The following SLC44A1 variants were observed in gnomAD, a reference collection of about 807,000 sequenced individuals.
The protein encoded by SLC44A1 is solute carrier family 44 member 1, also known as choline transporter-like protein 1.
Under a neutral mutation model 79.3 loss-of-function variants are expected in SLC44A1, and 26 were observed. That is an observed-to-expected ratio of 0.33 (90% CI 0.24 to 0.46). The LOEUF is 0.46. Ranked by LOEUF, SLC44A1 falls within the 20% of genes least tolerant of loss-of-function variation. The pLI is 1.00. For missense variants in SLC44A1, 688 were observed against 798.1 expected (o/e 0.86, Z 1.66); for synonymous variants, 263 against 286.2 (o/e 0.92, Z 0.82).
intron 13 of SLC44A1, among the ~76,000 whole-genome samples, chr9:105,382,253 C>T (rs1402885104): frequency 6.6e-6 from 1 of 151,972 alleles, no homozygotes; most frequent in East Asian, 1.9e-4. Context: ...TAATATTTGC[C>T]ATAAACCATT....
At position 105,322,501 on chromosome 9, in the gene SLC44A1, G is replaced by A. The variant is rs1029590919; in HGVS notation, c.269+12635G>A. On this transcript the variant is annotated intron_variant, in intron 3 of 15. Transcript: ENST00000374720. ...GTTACTCATTGTGTGAGTACAGGTC[G>A]TGTATCTATGGTTGTCATTATCTAA... Among the ~76,000 whole-genome samples, 6 of 152,286 alleles carry A rather than the reference G, an allele frequency of 3.9e-5. 1 individual carries two copies. The highest frequency in any genetic ancestry group is 4.1e-4 in the South Asian group (2 of 4,824).
chr9:105,357,648 G>A (rs1021496946), intron 6 of SLC44A1, among the ~76,000 whole-genome samples: 1 of 152,110 alleles, frequency 6.6e-6, no homozygotes, highest in Non-Finnish European at 1.5e-5. Context: ...TAGCACATCG[G>A]ATTTAGCTTG....
At chr9:105,250,173 G>A (rs1829548472) in intron 1 of SLC44A1, among the ~76,000 whole-genome samples, 1 of 151,930 alleles carries the variant, frequency 6.6e-6, no homozygotes, top group South Asian at 2.1e-4. Flanking sequence ...ACTGCACCCG[G>A]CCTACTTTTT....
rs557955928 is a variant in SLC44A1, at chr9:105,361,349, G to T, written c.900+19G>T. ...GTTCACAGTGAGTTTAGGCTTTGGC[G>T]TGTCTTTCGGTTTTGTGTTTTTGTT... On this transcript the variant is annotated intron_variant, in intron 8 of 15. Transcript: ENST00000374720. The T allele has an allele frequency of 6.4e-6, 10 of 1,558,092 alleles. No individual in the cohort carries two copies. Among genetic ancestry groups the T allele is most frequent in the Non-Finnish European group, 7.8e-6 (9 of 1,156,104 alleles).
intron 2 of SLC44A1, among the ~76,000 whole-genome samples, chr9:105,303,578 C>T (rs541120360): frequency 7.2e-5 from 11 of 152,262 alleles, no homozygotes; most frequent in South Asian, 6.2e-4. Context: ...TGCTCAAGGA[C>T]GTATACATTG....
chr9:105,303,723 C>T (rs778121624), intron 2 of SLC44A1, among the ~76,000 whole-genome samples: 2 of 152,136 alleles, frequency 1.3e-5, no homozygotes, highest in Admixed American at 6.6e-5. Context: ...AGAGGTAGAC[C>T]CCACTCTGTT....
chr9:105,419,577 A>C (rs1207407908), intron 15 of SLC44A1, among the ~76,000 whole-genome samples: 1 of 152,200 alleles, frequency 6.6e-6, no homozygotes, highest in Non-Finnish European at 1.5e-5. Context: ...AAATTAATTT[A>C]GTAATTTCTA....
At chr9:105,415,896 A>ATTTTTTTTTTTTTTTTTTTTTTTTT (rs10592448) in intron 15 of SLC44A1, among the ~76,000 whole-genome samples, 1 of 117,966 alleles carries the variant, frequency 8.5e-6, no homozygotes, top group Non-Finnish European at 1.7e-5. Context: ...GATTGACTGA[A>ATTTTTTTTTTTTTTTTTTTTTTTTT]TTTTTTTTTT....
At chr9:105,328,360 A>C (rs1444190937) in intron 3 of SLC44A1, among the ~76,000 whole-genome samples, 2 of 152,234 alleles carry the variant, frequency 1.3e-5, no homozygotes, top group Non-Finnish European at 2.9e-5. Flanking sequence ...CAGGCTGGCC[A>C]GCAAAGGCTT....
At position 105,396,366 on chromosome 9, in the gene SLC44A1, A is replaced by G; in HGVS notation, c.*7310A>G. On this transcript the variant is annotated 3_prime_UTR_variant, in exon 16 of 16. Coordinates refer to ENST00000374720, the MANE Select transcript of SLC44A1 (RefSeq NM_080546.5). ...AGGCAGGGAGAAAAGTGTGAAGGGC[A>G]TCAAGCAAAATGACAGGGGCTTCAA... The G allele has an allele frequency of 6.1e-6, 6 of 985,480 alleles. No individual in the cohort carries two copies. The highest frequency in any genetic ancestry group is 7.2e-6 in the Non-Finnish European group (6 of 829,948). The allele number at this position is 985,480 out of a possible 1,614,324, so 61.0% of individuals were successfully genotyped here.
chr9:105,299,206 G>A lies in SLC44A1; in HGVS notation c.37-14G>A. 3 of 1,572,452 alleles carry A rather than the reference G, an allele frequency of 1.9e-6. No individual in the cohort carries two copies. Among genetic ancestry groups the A allele is most frequent in the Non-Finnish European group, 2.6e-6 (3 of 1,157,840 alleles). ...TTAGCATTTAACACTCTCTTATTTT[G>A]TATTTCCAATTAGAGCTCCAAACGA... On this transcript the variant is annotated splice_polypyrimidine_tract_variant and intron_variant, in intron 1 of 15. Coordinates refer to ENST00000374720, the MANE Select transcript of SLC44A1 (RefSeq NM_080546.5).
chr9:105,433,494 A>G (rs907586398), intron 15 of SLC44A1, among the ~76,000 whole-genome samples: 1 of 152,160 alleles, frequency 6.6e-6, no homozygotes, highest in East Asian at 1.9e-4. Context: ...TGCTCAGCAG[A>G]CAGAAAGGTA....
rs529125380 is a variant in SLC44A1, at chr9:105,270,271, T to C, written c.36+25367T>C. On this transcript the variant is annotated intron_variant, in intron 1 of 15. Transcript: ENST00000374720. ...TAAAAAATTTTCTCCTAAGACTGTC[T>C]GTAGTCTTTCTTTACGTAATCATAT... Among the ~76,000 whole-genome samples the C allele has an allele frequency of 7.9e-5, 12 of 152,270 alleles. No individual in the cohort carries two copies. In the South Asian group the frequency reaches 2.5e-3, roughly 32 times the overall value.
rs933832213 is a variant in SLC44A1, at chr9:105,438,064, A to C, written c.1951-217A>C. 4.6e-5 allele frequency among the ~76,000 whole-genome samples: 7 copies of C among 152,310 alleles called. No individual in the cohort carries two copies. In the East Asian group the frequency reaches 1.2e-3, roughly 25 times the overall value. ...TTGGGAAATGTAGGCACAGATTTTA[A>C]ATAACTTGTGCATGAATACACAGTT... On this transcript the variant is annotated intron_variant, in intron 15 of 15. Coordinates refer to the SLC44A1 transcript ENST00000374724.
intron 1 of SLC44A1, among the ~76,000 whole-genome samples, chr9:105,252,423 A>T (rs1341855842): frequency 6.6e-6 from 1 of 152,170 alleles, no homozygotes; most frequent in Admixed American, 6.5e-5. Context: ...ACCTTAGAAC[A>T]CTGGGGTTTT....
At chr9:105,352,935 G>A (rs1827499824) in intron 5 of SLC44A1, among the ~76,000 whole-genome samples, 1 of 150,972 alleles carries the variant, frequency 6.6e-6, no homozygotes, top group Admixed American at 6.6e-5. Flanking sequence ...GAAAAAGAAT[G>A]ACAAATAAGG....
At chr9:105,332,540 T>G (rs1826784489) in intron 3 of SLC44A1, among the ~76,000 whole-genome samples, 1 of 152,234 alleles carries the variant, frequency 6.6e-6, no homozygotes, top group African/African-American at 2.4e-5. Flanking sequence ...TTTAGATCTT[T>G]TCAAACCATA....
chr9:105,376,148 T>C (rs1828275092), intron 13 of SLC44A1, among the ~76,000 whole-genome samples: 1 of 152,170 alleles, frequency 6.6e-6, no homozygotes, highest in African/African-American at 2.4e-5. Context: ...AAAATATGTT[T>C]GGCATGGAGA....
chr9:105,433,016 C>T (rs1029789954), intron 15 of SLC44A1, among the ~76,000 whole-genome samples: 24 of 152,094 alleles, frequency 1.6e-4, no homozygotes, highest in Non-Finnish European at 2.2e-4. Context: ...TACAAATCGC[C>T]GGGCGTGGTG....
Sources: allele counts gnomAD v4.1 joint callset (sites outside exome capture counted in the v4.1 genomes callset), GRCh38; gene constraint gnomAD v4.1.1; transcripts MANE v1.5; gene names NCBI Gene and HGNC (gene_info 2026-07-23, HGNC 2026-07-21).